Variants in RCAN2 observed in about 807,000 individuals in gnomAD.
The protein encoded by RCAN2 is calcipressin-2.
In RCAN2, 9 loss-of-function variants were observed where a neutral mutation model predicts 23.6. The observed-to-expected ratio is 0.38, with a 90% CI of 0.23 to 0.67. The LOEUF (loss-of-function observed/expected upper bound fraction) is 0.67. Ranked by LOEUF, RCAN2 falls within the 30% of genes least tolerant of loss-of-function variation. The pLI, the probability that RCAN2 is intolerant of heterozygous loss-of-function variation, is 0.51. For synonymous variants in RCAN2, 109 were observed against 115.7 expected (o/e 0.94, Z 0.37); for missense variants, 273 against 302.3 (o/e 0.90, Z 0.72).
intron 2 of RCAN2, among the ~76,000 whole-genome samples, chr6:46,386,629 A>AC (rs1446049657): frequency 1.3e-5 from 2 of 151,188 alleles, no homozygotes; most frequent in Non-Finnish European, 3.0e-5. Context: ...AAAAAAAAAA[A>AC]ACTAAACTAA....
At chr6:46,255,046 A>C (rs575859473) in intron 2 of RCAN2, among the ~76,000 whole-genome samples, 26 of 152,292 alleles carry the variant, frequency 1.7e-4, no homozygotes, top group African/African-American at 6.3e-4. Flanking sequence ...TATGGTAATA[A>C]ATTTTTATTG....
At chr6:46,462,133 TTCAAACCTCCAGC>T (rs1561915649) in intron 1 of RCAN2, among the ~76,000 whole-genome samples, 4 of 64,702 alleles carry the variant, frequency 6.2e-5, no homozygotes, top group Non-Finnish European at 1.6e-4. Flanking sequence ...AACCTCCAGC[TTCAAACCTCCAGC>T]TCATATCATT....
intron 2 of RCAN2, among the ~76,000 whole-genome samples, chr6:46,302,755 G>A (rs1764116557): frequency 6.6e-6 from 1 of 152,052 alleles, no homozygotes; most frequent in African/African-American, 2.4e-5. Flanking sequence ...ATACTTCATT[G>A]AATATTGGCT....
rs535994587 is a variant in RCAN2 at position 46,488,753 on chromosome 6, C to T, written c.-3+2420G>A. On this transcript the variant is annotated intron_variant, in intron 1 of 4. Coordinates refer to ENST00000371374, the MANE Select transcript of RCAN2 (RefSeq NM_001251974.2). The stretch of plus-strand genomic sequence containing the variant: ...CATCCTCTAGACATCTAAGCTTCTC[C>T]TTCCATACCACCATCCACTTGGTGA... 5.3e-5 allele frequency among the ~76,000 whole-genome samples: 8 copies of T among 152,326 alleles called. No homozygotes were observed. In the East Asian group the frequency reaches 1.5e-3, roughly 29 times the overall value.
intron 2 of RCAN2, among the ~76,000 whole-genome samples, chr6:46,292,934 T>C (rs766888399): frequency 1.6e-4 from 24 of 152,202 alleles, no homozygotes; most frequent in Non-Finnish European, 2.9e-4. Flanking sequence ...CCATGTGTTC[T>C]CATTGTTCAA....
chr6:46,376,913 A>G (rs537701223), intron 2 of RCAN2, among the ~76,000 whole-genome samples: 2 of 146,732 alleles, frequency 1.4e-5, no homozygotes, highest in African/African-American at 5.1e-5. Flanking sequence ...GCAGTTGCTC[A>G]TGTGGAAGTG....
At chr6:46,451,167 C>T (rs902279024) in intron 2 of RCAN2, among the ~76,000 whole-genome samples, 5 of 152,116 alleles carry the variant, frequency 3.3e-5, no homozygotes, top group African/African-American at 1.2e-4. Flanking sequence ...TAAATTCATT[C>T]TTCTCTTTGA....
At chr6:46,378,213 G>A (rs1765532710) in intron 2 of RCAN2, among the ~76,000 whole-genome samples, 1 of 152,178 alleles carries the variant, frequency 6.6e-6, no homozygotes. Context: ...GTCAAGGCTT[G>A]TCATTTATAA....
At chr6:46,399,957 G>A (rs1331913169) in intron 2 of RCAN2, among the ~76,000 whole-genome samples, 4 of 152,136 alleles carry the variant, frequency 2.6e-5, no homozygotes, top group Non-Finnish European at 5.9e-5. Context: ...GAACTTTCCT[G>A]CACACAAAAT....
intron 2 of RCAN2, among the ~76,000 whole-genome samples, chr6:46,333,576 A>G (rs1183653097): frequency 1.3e-5 from 2 of 152,226 alleles, no homozygotes; most frequent in Admixed American, 6.5e-5. Context: ...TAATTTTGCT[A>G]GCTCTTGCCA....
At chr6:46,310,731 G>T in intron 2 of RCAN2, among the ~76,000 whole-genome samples, 2 of 152,262 alleles carry the variant, frequency 1.3e-5, no homozygotes, top group Middle Eastern at 6.8e-3. Context: ...ACCTTATAGA[G>T]AATTTGTCTA....
chr6:46,482,574 A>G (rs1768892779), intron 1 of RCAN2, among the ~76,000 whole-genome samples: 1 of 152,202 alleles, frequency 6.6e-6, no homozygotes, highest in Non-Finnish European at 1.5e-5. Context: ...CTGCATTATT[A>G]TTTGGATTTT....
At chr6:46,324,116 T>C (rs1004660631) in intron 2 of RCAN2, among the ~76,000 whole-genome samples, 1 of 152,226 alleles carries the variant, frequency 6.6e-6, no homozygotes. Context: ...GCTATGGAAG[T>C]ACGACTGGCA....
chr6:46,477,617 A>G (rs1049313994), intron 1 of RCAN2, among the ~76,000 whole-genome samples: 1 of 152,224 alleles, frequency 6.6e-6, no homozygotes, highest in Non-Finnish European at 1.5e-5. Flanking sequence ...TAAGTTACCT[A>G]TTAATACAAA....
chr6:46,396,929 GGTGAAACCCT>G (rs1766107614), intron 2 of RCAN2, among the ~76,000 whole-genome samples: 1 of 151,932 alleles, frequency 6.6e-6, no homozygotes. Flanking sequence ...TGACCAATAT[GGTGAAACCCT>G]GTCTCTACTA....
rs565223719 is a variant in RCAN2, at chr6:46,307,135, AATT to A, written c.226-58242_226-58240del. ...CCCTATCTATGGAAACAGAATTTTA[AATT>A]CATCAATTAAATATTGAGCACTATG... On this transcript the variant is annotated intron_variant, in intron 2 of 4. Transcript: ENST00000371374. Among the ~76,000 whole-genome samples the A allele has an allele frequency of 1.4e-4, 21 of 152,242 alleles. No individual in the cohort carries two copies. In the South Asian group the frequency reaches 4.4e-3, roughly 32 times the overall value.
intron 2 of RCAN2, among the ~76,000 whole-genome samples, chr6:46,439,403 A>G (rs1206935869): frequency 1.3e-5 from 2 of 152,190 alleles, no homozygotes; most frequent in African/African-American, 4.8e-5. Context: ...TTCTTATTAT[A>G]GTTTATGTGC....
At chr6:46,234,785 A>G (rs956268389) in intron 4 of RCAN2, among the ~76,000 whole-genome samples, 4 of 152,246 alleles carry the variant, frequency 2.6e-5, no homozygotes, top group Non-Finnish European at 2.9e-5. Context: ...AGGTTTGGCC[A>G]TTGCTTAAAT....
intron 1 of RCAN2, among the ~76,000 whole-genome samples, chr6:46,460,503 G>T (rs534043866): frequency 6.6e-6 from 1 of 152,310 alleles, no homozygotes; most frequent in East Asian, 1.9e-4. Context: ...GCTTCCTTCA[G>T]CTAGGAGGCC....
Sources: gnomAD v4.1 joint callset for allele counts (sites outside exome capture counted in the v4.1 genomes callset) on GRCh38, gnomAD v4.1.1 for gene constraint, MANE v1.5 for transcripts, NCBI Gene and HGNC (gene_info 2026-07-23, HGNC 2026-07-21) for gene names.